Variants in COL10A1 observed in about 807,000 individuals in gnomAD.
COL10A1 encodes collagen type X alpha 1 chain.
COL10A1 carries 10 observed loss-of-function variants against 18.2 expected under a neutral mutation model. The observed-to-expected ratio is 0.55, with a 90% CI of 0.34 to 0.93. The LOEUF is 0.93. COL10A1 is among the 40% of genes least tolerant of loss of function. COL10A1 has a pLI of 0.02. For synonymous variants in COL10A1, 330 were observed against 316.6 expected, an observed-to-expected ratio of 1.04 and a Z score of -0.45; for missense variants, 897 against 853.5, an observed-to-expected ratio of 1.05 and a Z score of -0.64.
the COL10A1 span, among the ~76,000 whole-genome samples, chr6:116,215,519 G>A: frequency 2.6e-5 from 4 of 152,034 alleles, no homozygotes; most frequent in Non-Finnish European, 4.4e-5. Flanking sequence ...AGATATTATT[G>A]TATGTGATTC....
At chr6:116,201,306 A>G in the COL10A1 span, among the ~76,000 whole-genome samples, 4 of 152,056 alleles carry the variant, frequency 2.6e-5, no homozygotes, top group Non-Finnish European at 5.9e-5. Context: ...AGTCATTCCC[A>G]CCACCTTTAT....
At chr6:116,127,679 G>T (rs1346486879), upstream of COL10A1, among the ~76,000 whole-genome samples, 1 of 152,014 alleles carries the variant, frequency 6.6e-6, no homozygotes, top group Admixed American at 6.6e-5. Flanking sequence ...ATGCTAGGTT[G>T]AATTTGTTTT....
the COL10A1 span, among the ~76,000 whole-genome samples, chr6:116,170,535 T>A: frequency 8.5e-5 from 13 of 152,196 alleles, no homozygotes; most frequent in Non-Finnish European, 1.6e-4. Context: ...GTACGTAAAG[T>A]ACCTGACTCA....
chr6:116,182,581 G>A, the COL10A1 span, among the ~76,000 whole-genome samples: 3,975 of 151,626 alleles, frequency 0.026, 159 homozygotes, highest in African/African-American at 0.09. Flanking sequence ...GGCCATTGTC[G>A]CAGGAGTAAG....
At chr6:116,191,713 T>C in the COL10A1 span, among the ~76,000 whole-genome samples, 1 of 152,046 alleles carries the variant, frequency 6.6e-6, no homozygotes, top group African/African-American at 2.4e-5. Flanking sequence ...TGTGTAATAA[T>C]GTAGTTTATA....
Position 116,121,329 on chromosome 6 carries a change from T to C in COL10A1, c.787A>G (p.Ile263Val), listed in dbSNP as rs775410068. 54 of 1,613,730 alleles carry C rather than the reference T, an allele frequency of 3.3e-5. No homozygotes were observed. Among genetic ancestry groups the C allele is most frequent in the Middle Eastern group, 1.6e-4 (1 of 6,082 alleles). The change falls in exon 3 of 3, where the codon ATT (isoleucine) becomes GTT (valine). Residue 263 changes from isoleucine to valine, a missense_variant. By Grantham distance (29) the Ile-to-Val change is conservative. Coordinates refer to ENST00000651968, the MANE Select transcript of COL10A1 (RefSeq NM_000493.4). The stretch of plus-strand genomic sequence containing the variant: ...GCTCCAGCAGCTCCTGGCTTTCCAA[T>C]GCCTTCTGGCCCTCGTTCCCCAGGA... ...GPPGERGPEG[I>V]GKPGAAGAPG... is the part of the protein sequence containing the mutation.
the COL10A1 span, among the ~76,000 whole-genome samples, chr6:116,213,477 A>G: frequency 2.0e-5 from 3 of 152,136 alleles, no homozygotes; most frequent in African/African-American, 2.4e-5. Context: ...GAACTAACAC[A>G]GGGTCATTCG....
In COL10A1 at chr6:116,119,831, T is replaced by C; in HGVS notation, c.*242A>G. Reference sequence around the variant, plus strand: ...ACTTCTTTGGTGATATTTTTTAATATTGGAGAAAACCTTAAAGAGCCTTAA... The same window carrying C: ...ACTTCTTTGGTGATATTTTTTAATACTGGAGAAAACCTTAAAGAGCCTTAA... On this transcript the variant is annotated 3_prime_UTR_variant, in exon 3 of 3. Coordinates refer to ENST00000651968, the MANE Select transcript of COL10A1 (RefSeq NM_000493.4). 2 of 437,880 alleles carry C rather than the reference T, an allele frequency of 4.6e-6. No individual in the cohort carries two copies. The highest frequency in any genetic ancestry group is 4.0e-6 in the Non-Finnish European group (1 of 247,672). 27.1% of individuals were successfully genotyped at this position (437,880 alleles called of 1,614,324 possible).
the COL10A1 span, among the ~76,000 whole-genome samples, chr6:116,195,333 A>G: frequency 6.6e-6 from 1 of 152,018 alleles, no homozygotes; most frequent in Non-Finnish European, 1.5e-5. Flanking sequence ...TGACTCAAAC[A>G]TTGGAAATTT....
At chr6:116,165,079 A>G in the COL10A1 span, among the ~76,000 whole-genome samples, 15 of 139,156 alleles carry the variant, frequency 1.1e-4, no homozygotes, top group African/African-American at 4.3e-4. Flanking sequence ...TCTAGGCGAC[A>G]GAGCGAGACT....
chr6:116,122,939 A>C (rs921158312), intron 2 of COL10A1, among the ~76,000 whole-genome samples: 6 of 152,228 alleles, frequency 3.9e-5, no homozygotes, highest in Non-Finnish European at 7.3e-5. Context: ...AGAAAAATTT[A>C]TGTAAAAGAT....
At chr6:116,130,028 T>C (rs1211129895), upstream of COL10A1, among the ~76,000 whole-genome samples, 2 of 152,184 alleles carry the variant, frequency 1.3e-5, no homozygotes, top group African/African-American at 4.8e-5. Flanking sequence ...CTGGTGTCTC[T>C]TTGGTGTTAC....
chr6:116,121,718 C>G lies in COL10A1; in HGVS notation c.398G>C (p.Gly133Ala), dbSNP rs770436777. 11 of 1,613,948 alleles carry G rather than the reference C, an allele frequency of 6.8e-6. No homozygotes were observed. The highest frequency in any genetic ancestry group is 9.3e-6 in the Non-Finnish European group (11 of 1,180,016). Residue 133 changes from glycine (G) to alanine (A), a missense_variant, in exon 3 of 3, where the codon GGC (glycine) becomes GCC (alanine). Transcript: ENST00000651968. Reference sequence around the variant, plus strand: ...TGGTGGGCCCCGGGGTCCTGGTAGGCCAGCTGGTCCAACATCTCCTTTTGG... The same window carrying G: ...TGGTGGGCCCCGGGGTCCTGGTAGGGCAGCTGGTCCAACATCTCCTTTTGG... Reference protein sequence around the residue: ...YGPKGDVGPAGLPGPRGPPGP... With the variant: ...YGPKGDVGPAALPGPRGPPGP...
intron 1 of COL10A1, among the ~76,000 whole-genome samples, chr6:116,145,760 A>G (rs1299322640): frequency 5.3e-5 from 8 of 152,194 alleles, no homozygotes; most frequent in African/African-American, 1.9e-4. Context: ...CCAGATACTT[A>G]CCAATTCATT....
chr6:116,172,641 T>A, the COL10A1 span, among the ~76,000 whole-genome samples: 7 of 152,134 alleles, frequency 4.6e-5, no homozygotes, highest in Non-Finnish European at 1.0e-4. Context: ...ACATATATAC[T>A]TTGTAAGGAA....
upstream of COL10A1, among the ~76,000 whole-genome samples, chr6:116,162,898 C>T (rs967448453): frequency 7.9e-5 from 12 of 151,854 alleles, no homozygotes; most frequent in African/African-American, 2.7e-4. Flanking sequence ...GAGGCCAAGG[C>T]GGGCAGATCA....
At chr6:116,160,770 C>A (rs1015416403), upstream of COL10A1, among the ~76,000 whole-genome samples, 21 of 152,112 alleles carry the variant, frequency 1.4e-4, no homozygotes, top group Non-Finnish European at 7.4e-5. Flanking sequence ...TACATTGAAG[C>A]CTTTAATCTA....
rs566937288 is a variant in COL10A1 at position 116,119,758 on chromosome 6, T to A, written c.*315A>T. The stretch of plus-strand genomic sequence containing the variant: ...GCTCTATTTCTGTTTTTTTTTTTAA[T>A]TTTTTTTTTGTTGTTTGTTTTTTGT... On this transcript the variant is annotated 3_prime_UTR_variant, in exon 3 of 3. Transcript: ENST00000651968. 559 of 200,764 alleles carry A rather than the reference T, an allele frequency of 2.8e-3. 11 individuals are homozygous for A. In the South Asian group the frequency reaches 0.039, roughly 14 times the overall value. 12.4% of individuals were successfully genotyped at this position (200,764 alleles called of 1,614,324 possible). A position where few individuals can be genotyped will look rare whatever the true frequency, so the allele number is the denominator to read the frequency against.
chr6:116,152,143 C>G (rs1465431243), intron 1 of COL10A1, among the ~76,000 whole-genome samples: 1 of 152,110 alleles, frequency 6.6e-6, no homozygotes, highest in Non-Finnish European at 1.5e-5. Context: ...GATGCAGTGC[C>G]TTCGTTTTCA....
Sources: gnomAD v4.1 joint callset for allele counts (sites outside exome capture counted in the v4.1 genomes callset) on GRCh38, gnomAD v4.1.1 for gene constraint, MANE v1.5 for transcripts, NCBI Gene and HGNC (gene_info 2026-07-23, HGNC 2026-07-21) for gene names.